CDC42BPA: variants seen among roughly 807,000 people sequenced by gnomAD.
The protein encoded by CDC42BPA is serine/threonine-protein kinase MRCK alpha.
Under a neutral mutation model 223.5 loss-of-function variants are expected in CDC42BPA, and 80 were observed. The ratio of observed to expected loss-of-function variants is 0.36; its 90% CI spans 0.30 to 0.43. The LOEUF (loss-of-function observed/expected upper bound fraction) is 0.43. Among genes scored for constraint, CDC42BPA ranks in the 20% least tolerant of loss-of-function variants. CDC42BPA has a pLI of 1.00. For synonymous variants in CDC42BPA, 694 were observed against 718.6 expected, an observed-to-expected ratio of 0.97 and a Z score of 0.55; for missense variants, 1,743 against 2,099.9, an observed-to-expected ratio of 0.83 and a Z score of 3.32.
rs139517636 is a variant in CDC42BPA, at chr1:227,151,940, C to A, written c.694-4381G>T. ...TGGTGGTGCATGTCTGAAATCCCAA[C>A]TACTCGGGTGGCTGAGGCAGGATAA... On this transcript the variant is annotated intron_variant, in intron 6 of 36. Transcript: ENST00000366766. 6.0e-3 allele frequency among the ~76,000 whole-genome samples: 888 copies of A among 147,560 alleles called. 10 individuals carry two copies. Among genetic ancestry groups the A allele is most frequent in the African/African-American group, 0.021 (835 of 39,948 alleles).
chr1:227,310,955 T>G (rs1463710161), intron 1 of CDC42BPA, among the ~76,000 whole-genome samples: 1 of 151,782 alleles, frequency 6.6e-6, no homozygotes, highest in Non-Finnish European at 1.5e-5. Context: ...CCTCCCAAAG[T>G]GCTGGGATTA....
intron 5 of CDC42BPA, among the ~76,000 whole-genome samples, chr1:227,185,758 T>TC (rs1041233531): frequency 1.6e-4 from 24 of 150,606 alleles, no homozygotes; most frequent in African/African-American, 4.6e-4. Context: ...CATGTCGTTT[T>TC]TTTTCTAATT....
rs957945064 is a variant in CDC42BPA, at chr1:227,074,192, TTA to T, written c.2586+65_2586+66del. Reference sequence around the variant, plus strand: ...AAACTGATATAAGTAATTGGATTTATTATAGTGTTTTTTAAATCTCTTTTTTC... The same window carrying T: ...AAACTGATATAAGTAATTGGATTTATTAGTGTTTTTTAAATCTCTTTTTTC... On this transcript the variant is annotated intron_variant, in intron 18 of 36. Coordinates refer to ENST00000366766, the MANE Select transcript of CDC42BPA (RefSeq NM_001394014.1). The T allele has an allele frequency of 5.8e-5, 79 of 1,373,694 alleles. 1 individual carries two copies. The South Asian group carries it at 8.3e-4, about 14-fold the overall frequency. The allele number at this position is 1,373,694 out of a possible 1,614,324, so 85.1% of individuals were successfully genotyped here.
intron 1 of CDC42BPA, among the ~76,000 whole-genome samples, chr1:227,312,875 C>A (rs1424730572): frequency 6.6e-6 from 1 of 152,110 alleles, no homozygotes; most frequent in African/African-American, 2.4e-5. Flanking sequence ...CTCTTCCTCC[C>A]ACTCCAGCCA....
rs10599884 is a variant in CDC42BPA, at chr1:227,273,995, C to CAAAAAAAAAAAA, written c.179-19852_179-19841dup. On this transcript the variant is annotated intron_variant, in intron 1 of 36. Coordinates refer to ENST00000366766, the MANE Select transcript of CDC42BPA (RefSeq NM_001394014.1). Reference sequence around the variant, plus strand: ...ATAGTTTTCAAATATTCGTATACACCAAAAAAAAAAAAAAAAAAAAAAAAA... The same window carrying CAAAAAAAAAAAA: ...ATAGTTTTCAAATATTCGTATACACCAAAAAAAAAAAAAAAAAAAAAAAAAAAAAAAAAAAAA... 4.6e-4 allele frequency among the ~76,000 whole-genome samples: 26 copies of CAAAAAAAAAAAA among 57,006 alleles called. 1 individual carries two copies. The highest frequency in any genetic ancestry group is 5.1e-4 in the African/African-American group (8 of 15,672). 37.4% of individuals were successfully genotyped at this position (57,006 alleles called of 152,430 possible).
At chr1:227,227,365 A>C (rs763858190) in intron 2 of CDC42BPA, among the ~76,000 whole-genome samples, 8 of 152,198 alleles carry the variant, frequency 5.3e-5, no homozygotes, top group Non-Finnish European at 1.2e-4. Context: ...ACTGGACTTC[A>C]ATTCTCCTTT....
At chr1:227,209,013 G>A (rs1477685864) in intron 3 of CDC42BPA, among the ~76,000 whole-genome samples, 1 of 151,568 alleles carries the variant, frequency 6.6e-6, no homozygotes, top group Non-Finnish European at 1.5e-5. Context: ...CCATTTGTTT[G>A]TATACTCTTT....
At chr1:227,288,124 A>C (rs1027652806) in intron 1 of CDC42BPA, among the ~76,000 whole-genome samples, 1 of 152,192 alleles carries the variant, frequency 6.6e-6, no homozygotes, top group Non-Finnish European at 1.5e-5. Flanking sequence ...AAAGCACCTA[A>C]CATGGGGATG....
chr1:227,097,378 A>T (rs536553795), intron 15 of CDC42BPA, among the ~76,000 whole-genome samples: 1 of 152,094 alleles, frequency 6.6e-6, no homozygotes, highest in Non-Finnish European at 1.5e-5. Flanking sequence ...ATCTCATTTG[A>T]TTCAGAACTC....
At chr1:227,115,827 T>C (rs1687688723) in intron 12 of CDC42BPA, among the ~76,000 whole-genome samples, 1 of 151,946 alleles carries the variant, frequency 6.6e-6, no homozygotes, top group African/African-American at 2.4e-5. Context: ...AATTCAACTC[T>C]TTCTATGGAC....
chr1:227,049,167 G>A (rs758888943), intron 22 of CDC42BPA, among the ~76,000 whole-genome samples: 35 of 151,810 alleles, frequency 2.3e-4, no homozygotes, highest in Admixed American at 5.9e-4. Flanking sequence ...CTATACAAAA[G>A]TTAATAAAAA....
intron 4 of CDC42BPA, among the ~76,000 whole-genome samples, chr1:227,195,277 C>T (rs1670478133): frequency 6.6e-6 from 1 of 152,014 alleles, no homozygotes; most frequent in Non-Finnish European, 1.5e-5. Flanking sequence ...CACTGCAACC[C>T]CTGCCTCCTG....
chr1:227,250,111 A>C (rs1212476523), intron 2 of CDC42BPA, among the ~76,000 whole-genome samples: 1 of 152,228 alleles, frequency 6.6e-6, no homozygotes, highest in Non-Finnish European at 1.5e-5. Context: ...GCAATTATTA[A>C]GCATTGCATG....
At chr1:227,030,384 CA>C (rs34370338) in intron 29 of CDC42BPA, 23 bp downstream of exon 29, 209,388 of 1,077,218 alleles carry the variant, frequency 0.19, 10,204 homozygotes, top group African/African-American at 0.27. Context: ...AAAATTACTC[CA>C]AAAAAAAAAA....
chr1:227,158,582 C>G (rs1308632289), intron 6 of CDC42BPA, among the ~76,000 whole-genome samples: 1 of 152,158 alleles, frequency 6.6e-6, no homozygotes, highest in Non-Finnish European at 1.5e-5. Context: ...ATAAGCCCCT[C>G]TACTTGGAAG....
intron 21 of CDC42BPA, among the ~76,000 whole-genome samples, chr1:227,063,628 G>A (rs1011891777): frequency 3.3e-5 from 5 of 152,084 alleles, no homozygotes; most frequent in Non-Finnish European, 7.4e-5. Flanking sequence ...CAATCTTCAG[G>A]TAGGGTTGTG....
intron 2 of CDC42BPA, among the ~76,000 whole-genome samples, chr1:227,231,317 C>CA (rs1282217175): frequency 1.3e-5 from 2 of 152,046 alleles, no homozygotes; most frequent in African/African-American, 4.8e-5. Flanking sequence ...ATGAACTCAT[C>CA]CTTTTTATGG....
chr1:227,189,173 A>G (rs1000983567), intron 5 of CDC42BPA, among the ~76,000 whole-genome samples: 14 of 152,198 alleles, frequency 9.2e-5, no homozygotes, highest in Non-Finnish European at 1.9e-4. Flanking sequence ...TCCCAGTTGT[A>G]AAACTTTCCT....
chr1:227,012,460 T>G (rs2148453543), intron 34 of CDC42BPA, among the ~76,000 whole-genome samples: 1 of 130,028 alleles, frequency 7.7e-6, no homozygotes, highest in Middle Eastern at 4.1e-3. Context: ...ATGACTCCCT[T>G]AGCCTCACTT....
Sources: gnomAD v4.1 joint callset for allele counts (sites outside exome capture counted in the v4.1 genomes callset) on GRCh38, gnomAD v4.1.1 for gene constraint, MANE v1.5 for transcripts, NCBI Gene and HGNC (gene_info 2026-07-23, HGNC 2026-07-21) for gene names.